The following SGCZ variants were observed in gnomAD, a reference collection of about 807,000 sequenced individuals.
SGCZ encodes zeta-sarcoglycan.
Under a neutral mutation model 41.3 loss-of-function variants are expected in SGCZ, and 40 were observed. The ratio of observed to expected loss-of-function variants is 0.97; its 90% CI spans 0.75 to 1.26. The LOEUF is 1.26. Among genes scored for constraint, SGCZ ranks in the 50% most tolerant of loss-of-function variants. SGCZ has a pLI of 0.00. For synonymous variants in SGCZ, 206 were observed against 137.5 expected (o/e 1.50, Z -3.49); for missense variants, 552 against 369.8 (o/e 1.49, Z -4.04).
rs147307066 is a variant in SGCZ at position 14,585,811 on chromosome 8, G to C, written c.40-30885C>G. Among the ~76,000 whole-genome samples, 46 of 152,252 alleles carry C rather than the reference G, an allele frequency of 3.0e-4. No individual in the cohort carries two copies. The East Asian group carries it at 8.5e-3, about 28-fold the overall frequency. On this transcript the variant is annotated intron_variant, in intron 1 of 7. Coordinates refer to ENST00000382080, the MANE Select transcript of SGCZ (RefSeq NM_139167.4). ...TGAAAACAAAGCAAAAAGTTCATGTGATTGTCAATTCTGTTTCGTAGCAAA... is the reference window on the plus strand; with the variant it reads ...TGAAAACAAAGCAAAAAGTTCATGTCATTGTCAATTCTGTTTCGTAGCAAA...
At chr8:14,175,081 T>C (rs73524179) in intron 4 of SGCZ, among the ~76,000 whole-genome samples, 2,060 of 152,220 alleles carry the variant, frequency 0.014, 65 homozygotes, top group African/African-American at 0.048. Context: ...CTTCAACATA[T>C]TAATTTTGGG....
At position 15,215,220 on chromosome 8, in the gene SGCZ, T is replaced by C. The variant is rs10093802; in HGVS notation, c.39+22365A>G. Among the ~76,000 whole-genome samples, 1,251 of 152,336 alleles carry C rather than the reference T, an allele frequency of 8.2e-3. 15 individuals are homozygous for C. The highest frequency in any genetic ancestry group is 0.023 in the African/African-American group (949 of 41,578). Reference sequence around the variant, plus strand: ...TATATCACAGTTACAAAGATAATTATTGCTCTTCAAGATATTAATATGAAT... The same window carrying C: ...TATATCACAGTTACAAAGATAATTACTGCTCTTCAAGATATTAATATGAAT... On this transcript the variant is annotated intron_variant, in intron 1 of 7. Transcript: ENST00000382080.
chr8:15,003,019 G>A (rs778603414), intron 1 of SGCZ, among the ~76,000 whole-genome samples: 97 of 152,028 alleles, frequency 6.4e-4, no homozygotes, highest in Non-Finnish European at 1.1e-3. Context: ...CATGTACAAC[G>A]TAACTTTGCT....
At chr8:14,125,268 T>G (rs941207634) in intron 5 of SGCZ, among the ~76,000 whole-genome samples, 7 of 147,844 alleles carry the variant, frequency 4.7e-5, no homozygotes, top group African/African-American at 1.9e-4. Context: ...GTTCACAAGG[T>G]CGAGGTGGGT....
At chr8:15,066,802 G>T (rs1263566802) in intron 1 of SGCZ, among the ~76,000 whole-genome samples, 1 of 152,064 alleles carries the variant, frequency 6.6e-6, no homozygotes, top group Non-Finnish European at 1.5e-5. Flanking sequence ...TTTATTCACA[G>T]AAAAGTTGAC....
intron 1 of SGCZ, among the ~76,000 whole-genome samples, chr8:14,577,963 C>T (rs1804765434): frequency 6.6e-6 from 1 of 152,112 alleles, no homozygotes; most frequent in Non-Finnish European, 1.5e-5. Flanking sequence ...CTATTTTCAG[C>T]AGAATGAGCT....
intron 1 of SGCZ, among the ~76,000 whole-genome samples, chr8:14,674,206 GT>G (rs368092747): frequency 2.7e-5 from 4 of 150,180 alleles, no homozygotes; most frequent in East Asian, 2.0e-4. Context: ...CCTTTTTCTT[GT>G]TTTTTTTTCT....
chr8:14,957,527 C>A (rs1388423117), intron 1 of SGCZ, among the ~76,000 whole-genome samples: 3 of 151,884 alleles, frequency 2.0e-5, no homozygotes, highest in Admixed American at 2.0e-4. Flanking sequence ...AGTATCTAAA[C>A]CTGAATTTTA....
At chr8:14,193,770 C>A (rs1159079383) in intron 4 of SGCZ, among the ~76,000 whole-genome samples, 2 of 151,568 alleles carry the variant, frequency 1.3e-5, no homozygotes, top group African/African-American at 4.8e-5. Context: ...AGCTTGTCAC[C>A]CTTGTCCAGT....
chr8:14,958,912 T>A (rs1800878405), intron 1 of SGCZ, among the ~76,000 whole-genome samples: 2 of 152,222 alleles, frequency 1.3e-5, no homozygotes, highest in Non-Finnish European at 1.5e-5. Context: ...AATTACAGAA[T>A]CTGTGTTTGA....
chr8:15,061,134 T>C (rs1442243710), intron 1 of SGCZ, among the ~76,000 whole-genome samples: 1 of 152,174 alleles, frequency 6.6e-6, no homozygotes, highest in African/African-American at 2.4e-5. Flanking sequence ...AATCTGAATG[T>C]ATCCCCCCAA....
intron 1 of SGCZ, among the ~76,000 whole-genome samples, chr8:14,704,654 T>G (rs1180900670): frequency 6.6e-6 from 1 of 151,966 alleles, no homozygotes; most frequent in Admixed American, 6.6e-5. Context: ...AAAGCAAGTC[T>G]GCTACAGAGA....
chr8:14,368,076 G>A (rs1803776425), intron 2 of SGCZ, among the ~76,000 whole-genome samples: 1 of 151,986 alleles, frequency 6.6e-6, no homozygotes, highest in Non-Finnish European at 1.5e-5. Context: ...TTTTGAAAAG[G>A]TAAGTAATTT....
chr8:14,645,494 A>ATATATATATATATATATT (rs147074591), intron 1 of SGCZ, among the ~76,000 whole-genome samples: 1 of 145,608 alleles, frequency 6.9e-6, no homozygotes, highest in Non-Finnish European at 1.5e-5. Flanking sequence ...GTATATATAT[A>ATATATATATATATATATT]TATATATGGC....
At chr8:14,236,144 C>T (rs1806751935) in intron 4 of SGCZ, among the ~76,000 whole-genome samples, 1 of 152,180 alleles carries the variant, frequency 6.6e-6, no homozygotes, top group Non-Finnish European at 1.5e-5. Context: ...ATAGTTTCTG[C>T]AGTTCCAACA....
chr8:14,135,971 T>C (rs1393851780), intron 5 of SGCZ, among the ~76,000 whole-genome samples: 14 of 152,202 alleles, frequency 9.2e-5, no homozygotes. Context: ...CTAACTAGTT[T>C]TATGAGATTG....
At chr8:15,002,825 C>G (rs1802474621) in intron 1 of SGCZ, among the ~76,000 whole-genome samples, 1 of 152,132 alleles carries the variant, frequency 6.6e-6, no homozygotes, top group South Asian at 2.1e-4. Flanking sequence ...GTGTCCCCAT[C>G]CAAATCTCAT....
chr8:15,142,920 C>T (rs1347576960), intron 1 of SGCZ, among the ~76,000 whole-genome samples: 1 of 152,112 alleles, frequency 6.6e-6, no homozygotes, highest in African/African-American at 2.4e-5. Flanking sequence ...AAAAATGCTA[C>T]TTTAAATGAC....
chr8:15,056,543 C>CAA (rs75954139), intron 1 of SGCZ, among the ~76,000 whole-genome samples: 420 of 126,912 alleles, frequency 3.3e-3, no homozygotes, highest in South Asian at 5.9e-3. Flanking sequence ...TGTAGGTGAG[C>CAA]AAAAAAAAAA....
Sources: allele counts gnomAD v4.1 joint callset (sites outside exome capture counted in the v4.1 genomes callset), GRCh38; gene constraint gnomAD v4.1.1; transcripts MANE v1.5; gene names NCBI Gene and HGNC (gene_info 2026-07-23, HGNC 2026-07-21).